Variants in WDR20 observed in about 807,000 individuals in gnomAD.
The protein encoded by WDR20 is WD repeat domain 20.
Under a neutral mutation model 38.7 loss-of-function variants are expected in WDR20, and 3 were observed. That is an observed-to-expected ratio of 0.08 (90% confidence interval 0.04 to 0.20). The LOEUF is 0.20. WDR20 is among the 10% of genes least tolerant of loss of function. WDR20 has a pLI of 1.00. For missense variants in WDR20, 559 were observed against 727.7 expected, an observed-to-expected ratio of 0.77 and a Z score of 2.67; for synonymous variants, 298 against 285.6, an observed-to-expected ratio of 1.04 and a Z score of -0.44.
chr14:102,154,088 A>G (rs2152737259), intron 1 of WDR20, among the ~76,000 whole-genome samples: 1 of 152,286 alleles, frequency 6.6e-6, no homozygotes, highest in South Asian at 2.1e-4. Flanking sequence ...TCTTGAGCAT[A>G]GGAGTTTGAG....
chr14:102,143,843 G>A lies in WDR20; in HGVS notation c.249+3671G>A, dbSNP rs117650889. 1.5e-4 allele frequency among the ~76,000 whole-genome samples: 23 copies of A among 149,922 alleles called. No individual in the cohort carries two copies. In the East Asian group the frequency reaches 3.1e-3, roughly 20 times the overall value. On this transcript the variant is annotated intron_variant, in intron 1 of 2. Transcript: ENST00000342702. ...CAGGCGTGAGCCACTGCGCCCGGCC[G>A]TAAACATCTTTATTACATACTTTGT...
At chr14:102,185,050 T>C (rs773967138) in intron 1 of WDR20, among the ~76,000 whole-genome samples, 9 of 152,192 alleles carry the variant, frequency 5.9e-5, no homozygotes, top group Non-Finnish European at 1.0e-4. Flanking sequence ...TTTTGGAAGA[T>C]TATACTGGAA....
chr14:102,160,716 G>C (rs1250933468), intron 1 of WDR20, among the ~76,000 whole-genome samples: 4 of 151,898 alleles, frequency 2.6e-5, no homozygotes, highest in Non-Finnish European at 5.9e-5. Flanking sequence ...GCTGAGGCAG[G>C]TGGATCACAA....
Position 102,140,021 on chromosome 14 carries a change from G to C in WDR20, c.98G>C (p.Ser33Thr), listed in dbSNP as rs2050300175. 1 of 1,614,088 alleles carries C rather than the reference G, an allele frequency of 6.2e-7. No individual in the cohort carries two copies. Among genetic ancestry groups the C allele is most frequent in the Non-Finnish European group, 8.5e-7 (1 of 1,180,030 alleles). ...LYKLLPHSEYSRPNRVPFNSQ... is the reference protein window; with the variant it reads ...LYKLLPHSEYTRPNRVPFNSQ... Reference sequence around the variant, plus strand: ...AAGCTGCTGCCGCACTCGGAGTACAGCCGGCCCAACCGGGTGCCCTTCAAC... The same window carrying C: ...AAGCTGCTGCCGCACTCGGAGTACACCCGGCCCAACCGGGTGCCCTTCAAC... Residue 33 changes from serine to threonine, a missense_variant, in exon 1 of 3, where the codon AGC becomes ACC. Transcript: ENST00000342702.
At chr14:102,201,461 T>TC (rs1353511827) in intron 2 of WDR20, among the ~76,000 whole-genome samples, 1 of 152,220 alleles carries the variant, frequency 6.6e-6, no homozygotes, top group Admixed American at 6.5e-5. Context: ...ATAGACTTAT[T>TC]TTTATTCTTG....
chr14:102,215,095 T>A, downstream of WDR20: 1 of 663,320 alleles, frequency 1.5e-6, no homozygotes, highest in Non-Finnish European at 1.9e-6. Context: ...GCTGTAAAAT[T>A]AAGGACCTTG....
chr14:102,148,540 CAAA>C (rs57236717), intron 1 of WDR20, among the ~76,000 whole-genome samples: 2 of 131,670 alleles, frequency 1.5e-5, no homozygotes, highest in Non-Finnish European at 3.2e-5. Flanking sequence ...GACTCTGTCT[CAAA>C]AAAAAAAAAA....
intron 1 of WDR20, among the ~76,000 whole-genome samples, chr14:102,187,501 G>A (rs1363555884): frequency 1.3e-5 from 2 of 152,056 alleles, no homozygotes; most frequent in African/African-American, 4.8e-5. Context: ...GGCAGGAAAG[G>A]CAAGGTGTCA....
downstream of WDR20, among the ~76,000 whole-genome samples, chr14:102,224,087 G>A (rs2064150735): frequency 2.0e-5 from 3 of 146,708 alleles, no homozygotes; most frequent in Admixed American, 7.0e-5. Flanking sequence ...TGTTGTCCAG[G>A]CTGGAGTGCA....
intron 1 of WDR20, among the ~76,000 whole-genome samples, chr14:102,152,381 A>G (rs897920648): frequency 6.6e-6 from 1 of 152,036 alleles, no homozygotes; most frequent in African/African-American, 2.4e-5. Context: ...GATTATGGAT[A>G]ATTATGGATA....
chr14:102,219,693 T>G (rs1167711412), downstream of WDR20, among the ~76,000 whole-genome samples: 2 of 152,208 alleles, frequency 1.3e-5, no homozygotes, highest in Non-Finnish European at 2.9e-5. Context: ...GCTTCCTGAG[T>G]GCTGCAGCAT....
At chr14:102,152,724 C>T (rs756790211) in intron 1 of WDR20, among the ~76,000 whole-genome samples, 41 of 152,032 alleles carry the variant, frequency 2.7e-4, no homozygotes, top group Admixed American at 1.9e-3. Flanking sequence ...CCCATGATCT[C>T]GTTAAATCTT....
In WDR20 at chr14:102,208,556, T is replaced by G; in HGVS notation, c.433-47T>G. 1.3e-6 allele frequency: 2 copies of G among 1,540,786 alleles called. No individual in the cohort carries two copies. The highest frequency in any genetic ancestry group is 1.8e-6 in the Non-Finnish European group (2 of 1,142,624). On this transcript the variant is annotated intron_variant, in intron 2 of 2. Transcript: ENST00000342702. This position sits in a 1 kb window ranked among gnomAD's most constrained non-coding sequence, Gnocchi z 5.6. ...AGTTTTCTTGCTGGAAAAGTAGACC[T>G]TTGAGACTTCTCCGTTGTGCTAACT...
chr14:102,161,843 C>T (rs1025209886), intron 1 of WDR20, among the ~76,000 whole-genome samples: 9 of 152,142 alleles, frequency 5.9e-5, no homozygotes, highest in African/African-American at 2.2e-4. Context: ...GAATGAACAG[C>T]TCTTCTAATC....
intron 2 of WDR20, among the ~76,000 whole-genome samples, chr14:102,197,305 T>C (rs537733629): frequency 1.3e-5 from 2 of 152,280 alleles, no homozygotes; most frequent in African/African-American, 4.8e-5. Flanking sequence ...GCTCACAGTT[T>C]AGTAAGAATG....
intron 2 of WDR20, among the ~76,000 whole-genome samples, chr14:102,205,169 G>A (rs2061293091): frequency 6.6e-6 from 1 of 152,078 alleles, no homozygotes; most frequent in Admixed American, 6.5e-5. Flanking sequence ...GCTGAGGTGG[G>A]AGGATTGCTT....
chr14:102,140,339 A>G (rs1028315993), intron 1 of WDR20, 167 bp downstream of exon 1: 2 of 1,090,668 alleles, frequency 1.8e-6, no homozygotes, highest in Non-Finnish European at 2.5e-6. Flanking sequence ...TTCAGGAGTA[A>G]GGAGGGTGGT....
chr14:102,184,753 A>G (rs7154134), intron 1 of WDR20, among the ~76,000 whole-genome samples: 59 of 152,258 alleles, frequency 3.9e-4, no homozygotes, highest in African/African-American at 1.4e-3. Context: ...CACGTCTTAC[A>G]TCTTGCTATT....
intron 1 of WDR20, among the ~76,000 whole-genome samples, chr14:102,150,395 C>G (rs534251460): frequency 6.6e-6 from 1 of 152,028 alleles, no homozygotes; most frequent in Non-Finnish European, 1.5e-5. Flanking sequence ...TTGCTTGAGC[C>G]CAGGGTGGGG....
Sources: allele counts gnomAD v4.1 joint callset (sites outside exome capture counted in the v4.1 genomes callset), GRCh38; gene constraint gnomAD v4.1.1; non-coding constraint Gnocchi (gnomAD v3.1); transcripts MANE v1.5; gene names NCBI Gene and HGNC (gene_info 2026-07-23, HGNC 2026-07-21).